The following EML6 variants were observed in gnomAD, a reference collection of about 807,000 sequenced individuals.
EML6 encodes echinoderm microtubule-associated protein-like 6.
Under a neutral mutation model 240.1 loss-of-function variants are expected in EML6, and 154 were observed. The ratio of observed to expected loss-of-function variants is 0.64; its 90% confidence interval spans 0.56 to 0.73. The LOEUF is 0.73. EML6 is among the 30% of genes least tolerant of loss of function. EML6 has a pLI of 0.00. For missense variants in EML6, 2,964 were observed against 2,474.6 expected (o/e 1.20, Z -4.20); for synonymous variants, 1,148 against 899.0 (o/e 1.28, Z -4.95).
At chr2:54,876,478 C>G (rs544440468) in intron 16 of EML6, among the ~76,000 whole-genome samples, 1 of 152,240 alleles carries the variant, frequency 6.6e-6, no homozygotes, top group East Asian at 1.9e-4. Flanking sequence ...TGCAGAAATT[C>G]TCCTAAAATA....
intron 4 of EML6, among the ~76,000 whole-genome samples, chr2:54,819,789 A>AT (rs1186372291): frequency 6.6e-6 from 1 of 151,590 alleles, no homozygotes; most frequent in Admixed American, 6.6e-5. Flanking sequence ...AAAAAAAAAA[A>AT]AGACAAATAG....
intron 2 of EML6, among the ~76,000 whole-genome samples, chr2:54,763,176 T>C (rs1668050578): frequency 6.6e-6 from 1 of 152,230 alleles, no homozygotes; most frequent in Non-Finnish European, 1.5e-5. Context: ...ACCCATCGAG[T>C]ATGAAAAACA....
chr2:54,762,512 G>A (rs73934839), intron 2 of EML6, among the ~76,000 whole-genome samples: 6,449 of 151,988 alleles, frequency 0.042, 447 homozygotes, highest in African/African-American at 0.14. Flanking sequence ...CTCCCCAAGC[G>A]TCTCCCACCT....
chr2:54,924,762 C>T (rs1038553407), intron 26 of EML6, among the ~76,000 whole-genome samples: 2 of 151,984 alleles, frequency 1.3e-5, no homozygotes, highest in Non-Finnish European at 2.9e-5. Context: ...GGGGTTTCGC[C>T]GTGTTGGCCA....
At chr2:54,928,845 G>T (rs74355503) in intron 28 of EML6, 94 bp downstream of exon 28, 2 of 1,403,866 alleles carry the variant, frequency 1.4e-6, no homozygotes, top group African/African-American at 2.9e-5. Context: ...CAAAGTTGCT[G>T]TTTAAGTCAG....
chr2:54,906,969 T>G (rs145228202), intron 24 of EML6, among the ~76,000 whole-genome samples: 267 of 152,318 alleles, frequency 1.8e-3, no homozygotes, highest in Middle Eastern at 0.01. Context: ...AGCTGGCTTC[T>G]CAGGGTGGGG....
At chr2:54,945,005 C>T (rs1420666485) in intron 28 of EML6, among the ~76,000 whole-genome samples, 1 of 123,560 alleles carries the variant, frequency 8.1e-6, no homozygotes, top group African/African-American at 3.1e-5. Flanking sequence ...CTCCCCCATC[C>T]ATTCCTCCCT....
intron 28 of EML6, among the ~76,000 whole-genome samples, chr2:54,942,981 C>T (rs920691662): frequency 6.6e-6 from 1 of 152,136 alleles, no homozygotes; most frequent in African/African-American, 2.4e-5. Flanking sequence ...CCTCTCCACT[C>T]TTCTTATAGG....
intron 29 of EML6, 61 bp downstream of exon 29, chr2:54,949,021 C>A: frequency 8.1e-7 from 1 of 1,235,526 alleles, no homozygotes; most frequent in Non-Finnish European, 1.2e-6. Context: ...TGGTAGACAT[C>A]CCCATCTGCA....
chr2:54,960,160 A>AG (rs58866010), intron 34 of EML6, 60 bp from the exon 35 acceptor site: 33 of 1,222,944 alleles, frequency 2.7e-5, no homozygotes, highest in African/African-American at 6.0e-5. Context: ...AGAGGGCCGG[A>AG]GGGGGTAGTG....
chr2:54,946,342 C>T (rs2104466821), intron 28 of EML6, among the ~76,000 whole-genome samples: 1 of 152,262 alleles, frequency 6.6e-6, no homozygotes, highest in East Asian at 1.9e-4. Flanking sequence ...CGGGTTGTGC[C>T]CACAGCCTTC....
rs1316319022 is a variant in EML6 at position 54,959,193 on chromosome 2, A to G, written c.4785A>G (p.Thr1595=). 1.9e-6 allele frequency: 3 copies of G among 1,551,654 alleles called. No individual in the cohort carries two copies. Among genetic ancestry groups the G allele is most frequent in the Non-Finnish European group, 2.6e-6 (3 of 1,146,960 alleles). The stretch of plus-strand genomic sequence containing the variant: ...TCCGGCTGGTGGCCAAGGCTCACAC[A>G]GGCCCCGTGTTCACAATGTACACAA... ...FLIRLVAKAH[T]GPVFTMYTTL... Residue 1595 remains threonine, a synonymous_variant, in exon 34 of 42, where the codon ACA becomes ACG. Transcript: ENST00000356458.
chr2:54,925,965 C>T (rs543509719), intron 26 of EML6, among the ~76,000 whole-genome samples: 30 of 152,276 alleles, frequency 2.0e-4, no homozygotes, highest in African/African-American at 6.7e-4. Flanking sequence ...GATGATTCTT[C>T]AGAGAGAAAC....
chr2:54,946,953 G>A (rs1437937286), intron 28 of EML6, among the ~76,000 whole-genome samples: 1 of 150,858 alleles, frequency 6.6e-6, no homozygotes, highest in Non-Finnish European at 1.5e-5. Context: ...GATTGCGTCT[G>A]TGTATATATA....
rs376570978 is a variant in EML6, at chr2:54,928,322, G to C, written c.3685G>C (p.Ala1229Pro). 2 of 1,551,776 alleles carry C rather than the reference G, an allele frequency of 1.3e-6. No homozygotes were observed. Among genetic ancestry groups the C allele is most frequent in the African/African-American group, 1.4e-5 (1 of 72,978 alleles). The change falls in exon 27 of 42, where the codon GCA (alanine) becomes CCA (proline). Residue 1229 changes from alanine (A) to proline (P), a missense_variant. By Grantham distance (27) the Ala-to-Pro change is conservative (BLOSUM62 -1). Coordinates refer to ENST00000356458, the MANE Select transcript of EML6 (RefSeq NM_001039753.4). The part of the protein sequence containing the change: ...LFSYPVKGQH[A>P]RFKKYVGHSA... ...ATTTCGGGCTTTACAGGGACAGCAC[G>C]CAAGATTCAAGAAGTATGTGGGGCA...
At chr2:54,793,282 C>A (rs887520490) in intron 2 of EML6, among the ~76,000 whole-genome samples, 1 of 151,246 alleles carries the variant, frequency 6.6e-6, no homozygotes, top group Non-Finnish European at 1.5e-5. Context: ...AATTTTTGAT[C>A]TTTCAGCGTT....
intron 25 of EML6, 38 bp from the exon 26 acceptor site, chr2:54,916,721 G>A: frequency 1.4e-6 from 2 of 1,445,120 alleles, no homozygotes; most frequent in Non-Finnish European, 1.9e-6. Context: ...AACAAACTAG[G>A]TTGTGCAAAA....
intron 31 of EML6, among the ~76,000 whole-genome samples, chr2:54,953,605 T>C (rs897856386): frequency 6.6e-6 from 1 of 152,104 alleles, no homozygotes; most frequent in East Asian, 1.9e-4. Context: ...AAAAAGGCTT[T>C]TGCAGGCCGG....
At chr2:54,876,154 A>G (rs1459834428) in intron 16 of EML6, among the ~76,000 whole-genome samples, 1 of 152,216 alleles carries the variant, frequency 6.6e-6, no homozygotes, top group Non-Finnish European at 1.5e-5. Flanking sequence ...AAGAGACTAA[A>G]AACATGGCTA....
Sources: allele counts gnomAD v4.1 joint callset (sites outside exome capture counted in the v4.1 genomes callset), GRCh38; gene constraint gnomAD v4.1.1; transcripts MANE v1.5; gene names NCBI Gene and HGNC (gene_info 2026-07-23, HGNC 2026-07-21).